The following FAM163A variants were observed in gnomAD, a reference collection of about 807,000 sequenced individuals.
FAM163A encodes protein FAM163A.
Under a neutral mutation model 12.0 loss-of-function variants are expected in FAM163A, and 7 were observed. The observed-to-expected ratio is 0.58, with a 90% CI of 0.33 to 1.10. The LOEUF is 1.10. Among genes scored for constraint, FAM163A ranks in the 50% least tolerant of loss-of-function variants. The pLI is 0.03. For synonymous variants in FAM163A, 101 were observed against 91.0 expected (o/e 1.11, Z -0.62); for missense variants, 202 against 218.6 (o/e 0.92, Z 0.48).
chr1:179,752,221 G>A (rs1299548584), intron 1 of FAM163A, among the ~76,000 whole-genome samples: 2 of 152,118 alleles, frequency 1.3e-5, no homozygotes, highest in African/African-American at 4.8e-5. Flanking sequence ...TCAACAAATA[G>A]TGTTAGCAAA....
upstream of FAM163A, among the ~76,000 whole-genome samples, chr1:179,741,250 G>A (rs1205124510): frequency 6.6e-6 from 1 of 152,206 alleles, no homozygotes; most frequent in Non-Finnish European, 1.5e-5. Flanking sequence ...TTACATCTCC[G>A]CCAGACTGGC....
At chr1:179,760,840 T>A (rs769232357) in intron 1 of FAM163A, among the ~76,000 whole-genome samples, 1 of 152,186 alleles carries the variant, frequency 6.6e-6, no homozygotes, top group Non-Finnish European at 1.5e-5. Context: ...TTCTTGTATG[T>A]CCCACAAGGA....
chr1:179,795,389 G>T (rs1047969202), intron 1 of FAM163A, among the ~76,000 whole-genome samples: 4 of 152,218 alleles, frequency 2.6e-5, no homozygotes, highest in African/African-American at 9.7e-5. Flanking sequence ...AAGAGGTAGG[G>T]TCTTTAAGAG....
intron 1 of FAM163A, among the ~76,000 whole-genome samples, chr1:179,776,260 G>A (rs1688951481): frequency 6.6e-6 from 1 of 152,076 alleles, no homozygotes; most frequent in Non-Finnish European, 1.5e-5. Context: ...TTGTTGGGTG[G>A]CCGAGGTGAG....
chr1:179,756,732 C>T (rs1290232362), intron 1 of FAM163A, among the ~76,000 whole-genome samples: 1 of 152,052 alleles, frequency 6.6e-6, no homozygotes, highest in African/African-American at 2.4e-5. Context: ...TGTGTGGAAG[C>T]TCATGGTGGG....
In FAM163A at chr1:179,805,937, A is replaced by T. The variant is rs566707191; in HGVS notation, c.-135-1861A>T. 7.9e-5 allele frequency among the ~76,000 whole-genome samples: 12 copies of T among 152,312 alleles called. No homozygotes were observed. The East Asian group carries it at 2.3e-3, about 29-fold the overall frequency. On this transcript the variant is annotated intron_variant, in intron 1 of 4. Coordinates refer to ENST00000341785, the MANE Select transcript of FAM163A (RefSeq NM_173509.3). ...AGGAGTCTTTTGCAACCCCTTGCTC[A>T]GCCTCTGGGCATCTGGAGGCCGCCT...
At chr1:179,787,643 C>G (rs901131896) in intron 1 of FAM163A, among the ~76,000 whole-genome samples, 1 of 152,150 alleles carries the variant, frequency 6.6e-6, no homozygotes, top group Non-Finnish European at 1.5e-5. Flanking sequence ...CTCTACAGCT[C>G]CCCCAAAGTG....
rs1251230148 is a variant in FAM163A, at chr1:179,813,841, C to G, written c.156C>G (p.Asp52Glu). Reference protein sequence around the residue: ...VADEEEEREHDLPTHPRGPTC... With the variant: ...VADEEEEREHELPTHPRGPTC... Reference sequence around the variant, plus strand: ...ACGAGGAGGAGGAGCGGGAGCACGACCTTCCCACGCATCCCAGAGGCCCCA... The same window carrying G: ...ACGAGGAGGAGGAGCGGGAGCACGAGCTTCCCACGCATCCCAGAGGCCCCA... Residue 52 changes from aspartate (D) to glutamate (E), a missense_variant, in exon 5 of 5, where the codon GAC becomes GAG. Transcript: ENST00000341785. 1.9e-6 allele frequency: 3 copies of G among 1,614,028 alleles called. No homozygotes were observed. The highest frequency in any genetic ancestry group is 8.5e-7 in the Non-Finnish European group (1 of 1,180,030).
intron 1 of FAM163A, among the ~76,000 whole-genome samples, chr1:179,803,025 T>C (rs2647226): frequency 0.52 from 78,786 of 151,844 alleles, 23,688 homozygotes; most frequent in African/African-American, 0.84. Context: ...GTTCTTCAAA[T>C]CCTCATCCTG....
At chr1:179,776,348 G>A (rs1688968321) in intron 1 of FAM163A, among the ~76,000 whole-genome samples, 1 of 152,016 alleles carries the variant, frequency 6.6e-6, no homozygotes, top group Admixed American at 6.6e-5. Flanking sequence ...AAAATTAGCT[G>A]GGCATGGTGG....
intron 1 of FAM163A, among the ~76,000 whole-genome samples, chr1:179,780,171 A>G (rs1557934890): frequency 6.6e-6 from 1 of 152,252 alleles, no homozygotes; most frequent in African/African-American, 2.4e-5. Flanking sequence ...GCACAGGACT[A>G]TGCAAATGTA....
chr1:179,789,615 G>A (rs1290938019), intron 1 of FAM163A, among the ~76,000 whole-genome samples: 1 of 152,224 alleles, frequency 6.6e-6, no homozygotes, highest in Non-Finnish European at 1.5e-5. Context: ...TCTCTTAAAA[G>A]AGAAGGGTGG....
chr1:179,783,064 G>A (rs1347971591), intron 1 of FAM163A, among the ~76,000 whole-genome samples: 1 of 151,820 alleles, frequency 6.6e-6, no homozygotes, highest in African/African-American at 2.4e-5. Flanking sequence ...CAGAGATAGA[G>A]GTTGCAGTGA....
chr1:179,781,842 G>A (rs1331145071), intron 1 of FAM163A, among the ~76,000 whole-genome samples: 1 of 151,248 alleles, frequency 6.6e-6, no homozygotes, highest in Non-Finnish European at 1.5e-5. Context: ...GCTGAGGCAG[G>A]AGAATCGCTT....
At chr1:179,742,514 T>A (rs1052447), upstream of FAM163A, 1 of 151,866 alleles carries the variant, frequency 6.6e-6, no homozygotes, top group African/African-American at 2.4e-5. Flanking sequence ...CCGGAACAGG[T>A]AAACGTTCCA....
the FAM163A span, chr1:179,730,298 G>C: frequency 2.3e-4 from 35 of 152,388 alleles, no homozygotes; most frequent in African/African-American, 8.4e-4. Context: ...ACGTAGGACG[G>C]TGCAGAAGGA....
chr1:179,734,358 C>T, the FAM163A span, among the ~76,000 whole-genome samples: 3 of 152,328 alleles, frequency 2.0e-5, no homozygotes, highest in East Asian at 3.8e-4. Flanking sequence ...AAAAGAAAAA[C>T]TTGAATGCCA....
upstream of FAM163A, chr1:179,742,522 C>G (rs985295983): frequency 6.6e-6 from 1 of 152,162 alleles, no homozygotes; most frequent in Non-Finnish European, 1.5e-5. Flanking sequence ...GGTAAACGTT[C>G]CATATAGAGA....
At chr1:179,794,247 C>T (rs1456881610) in intron 1 of FAM163A, among the ~76,000 whole-genome samples, 1 of 152,204 alleles carries the variant, frequency 6.6e-6, no homozygotes, top group Non-Finnish European at 1.5e-5. Context: ...TGGTTCTTAC[C>T]ACCAAAAAAT....
Sources: gnomAD v4.1 joint callset for allele counts (sites outside exome capture counted in the v4.1 genomes callset) on GRCh38, gnomAD v4.1.1 for gene constraint, MANE v1.5 for transcripts, NCBI Gene and HGNC (gene_info 2026-07-23, HGNC 2026-07-21) for gene names.